CDH13: variants seen among roughly 807,000 people sequenced by gnomAD.
CDH13 encodes cadherin 13.
In CDH13, 24 loss-of-function variants were observed where a neutral mutation model predicts 63.8. That is an observed-to-expected ratio of 0.38 (90% CI 0.27 to 0.53). The LOEUF (loss-of-function observed/expected upper bound fraction) is 0.53. CDH13 is among the 20% of genes least tolerant of loss of function. CDH13 has a pLI of 0.85. For synonymous variants in CDH13, 503 were observed against 355.3 expected (o/e 1.42, Z -4.67); for missense variants, 1,049 against 903.1 (o/e 1.16, Z -2.07).
At chr16:83,625,198 G>C (rs1910184659) in intron 8 of CDH13, among the ~76,000 whole-genome samples, 1 of 151,894 alleles carries the variant, frequency 6.6e-6, no homozygotes, top group Non-Finnish European at 1.5e-5. Flanking sequence ...TCATGTGTGT[G>C]TGTGCATGTG....
At chr16:82,648,540 A>G (rs1910365618) in intron 1 of CDH13, among the ~76,000 whole-genome samples, 1 of 152,198 alleles carries the variant, frequency 6.6e-6, no homozygotes, top group African/African-American at 2.4e-5. Context: ...ATTGAATACT[A>G]AACAGGAGAT....
chr16:83,242,230 C>T (rs1381018759), intron 5 of CDH13, among the ~76,000 whole-genome samples: 1 of 152,118 alleles, frequency 6.6e-6, no homozygotes, highest in African/African-American at 2.4e-5. Flanking sequence ...ATTACCATTG[C>T]TTTGTAGTAT....
chr16:83,339,965 A>T (rs866956984), intron 5 of CDH13, among the ~76,000 whole-genome samples: 1 of 152,170 alleles, frequency 6.6e-6, no homozygotes, highest in Non-Finnish European at 1.5e-5. Flanking sequence ...GAGGAAAATA[A>T]TTCTGTTGGG....
At chr16:83,336,300 C>CAA (rs376325733) in intron 5 of CDH13, among the ~76,000 whole-genome samples, 1,076 of 48,924 alleles carry the variant, frequency 0.022, 19 homozygotes, top group African/African-American at 0.068. Flanking sequence ...GACTCCATCT[C>CAA]AAAAAAAAAA....
chr16:82,777,476 C>G (rs2035551550), intron 1 of CDH13, among the ~76,000 whole-genome samples: 1 of 152,150 alleles, frequency 6.6e-6, no homozygotes, highest in South Asian at 2.1e-4. Context: ...GAGTTGTGCC[C>G]CTGGGTGGGC....
chr16:83,050,999 C>G (rs1243050518), intron 3 of CDH13, among the ~76,000 whole-genome samples: 1 of 152,188 alleles, frequency 6.6e-6, no homozygotes, highest in Non-Finnish European at 1.5e-5. Context: ...GTGGTCACAA[C>G]TGGTTTGAAC....
At chr16:82,797,455 C>T (rs1273714518) in intron 1 of CDH13, among the ~76,000 whole-genome samples, 1 of 152,218 alleles carries the variant, frequency 6.6e-6, no homozygotes, top group African/African-American at 2.4e-5. Flanking sequence ...TAATTCATCA[C>T]TGCCTTCCTC....
At chr16:82,693,457 A>C (rs769914582) in intron 1 of CDH13, among the ~76,000 whole-genome samples, 1 of 152,208 alleles carries the variant, frequency 6.6e-6, no homozygotes. Flanking sequence ...ACCACTTCCC[A>C]GCTTGCGACC....
intron 1 of CDH13, among the ~76,000 whole-genome samples, chr16:82,710,648 C>T (rs2031866655): frequency 7.6e-6 from 1 of 131,374 alleles, no homozygotes; most frequent in Non-Finnish European, 1.6e-5. Context: ...ATAATATAAT[C>T]ATTTTATTTG....
chr16:82,863,973 G>A (rs905690501), intron 2 of CDH13, among the ~76,000 whole-genome samples: 3 of 152,146 alleles, frequency 2.0e-5, no homozygotes, highest in Non-Finnish European at 2.9e-5. Context: ...ATTTACTTTT[G>A]CCAGGCTTTC....
At chr16:82,980,657 C>G (rs1437814359) in intron 2 of CDH13, among the ~76,000 whole-genome samples, 1 of 152,138 alleles carries the variant, frequency 6.6e-6, no homozygotes, top group African/African-American at 2.4e-5. Context: ...GTAGAAGAAA[C>G]AGACTTTAAA....
intron 1 of CDH13, chr16:82,829,723 T>TCAAC (rs2038439324): frequency 6.6e-6 from 1 of 152,142 alleles, no homozygotes; most frequent in African/African-American, 2.4e-5. Context: ...TTACTAGATA[T>TCAAC]TACATGGATA....
chr16:83,130,294 G>A (rs527609109), intron 4 of CDH13, among the ~76,000 whole-genome samples: 1 of 152,302 alleles, frequency 6.6e-6, no homozygotes, highest in East Asian at 1.9e-4. Context: ...GACGTAACCT[G>A]TCCAAAGCCA....
intron 1 of CDH13, among the ~76,000 whole-genome samples, chr16:82,737,876 T>A (rs926095990): frequency 6.6e-6 from 1 of 152,260 alleles, no homozygotes; most frequent in Non-Finnish European, 1.5e-5. Context: ...ATACAAGCAC[T>A]GGTGAAACCA....
chr16:83,029,466 T>G (rs1338986072), intron 2 of CDH13, among the ~76,000 whole-genome samples: 1 of 152,136 alleles, frequency 6.6e-6, no homozygotes, highest in Non-Finnish European at 1.5e-5. Flanking sequence ...AATGGAATAC[T>G]CTATGATGAT....
chr16:83,554,292 C>T (rs1478492617), intron 7 of CDH13, among the ~76,000 whole-genome samples: 1 of 151,674 alleles, frequency 6.6e-6, no homozygotes, highest in Non-Finnish European at 1.5e-5. Flanking sequence ...TCCCTGGAGA[C>T]AGGAATATGC....
At chr16:83,705,040 C>G (rs1165221341) in intron 10 of CDH13, among the ~76,000 whole-genome samples, 2 of 152,188 alleles carry the variant, frequency 1.3e-5, no homozygotes, top group African/African-American at 4.8e-5. Context: ...GAAACTGAAG[C>G]TCACCACTTC....
chr16:83,075,270 C>A (rs1205024812), intron 3 of CDH13, among the ~76,000 whole-genome samples: 1 of 152,154 alleles, frequency 6.6e-6, no homozygotes, highest in Non-Finnish European at 1.5e-5. Context: ...AGAGTTTCAC[C>A]CCAGTTCTTG....
At chr16:82,945,500 T>C (rs1037413937) in intron 2 of CDH13, among the ~76,000 whole-genome samples, 5 of 152,196 alleles carry the variant, frequency 3.3e-5, no homozygotes, top group Non-Finnish European at 7.3e-5. Flanking sequence ...CGGTAGTTTC[T>C]ACGAGGATGG....
Sources: gnomAD v4.1 joint callset for allele counts (sites outside exome capture counted in the v4.1 genomes callset) on GRCh38, gnomAD v4.1.1 for gene constraint, MANE v1.5 for transcripts, NCBI Gene and HGNC (gene_info 2026-07-23, HGNC 2026-07-21) for gene names.